TUSC3: variants seen among roughly 807,000 people sequenced by gnomAD.
TUSC3 encodes the protein dolichyl-diphosphooligosaccharide--protein glycosyltransferase subunit TUSC3.
A neutral mutation model predicts 44.8 loss-of-function variants in TUSC3; 45 were observed. The observed-to-expected ratio is 1.00, with a 90% confidence interval of 0.79 to 1.29. The LOEUF (loss-of-function observed/expected upper bound fraction) is 1.29. TUSC3 is among the 50% of genes most tolerant of loss of function. The pLI is 0.00. For synonymous variants in TUSC3, 212 were observed against 152.9 expected, an observed-to-expected ratio of 1.39 and a Z score of -2.85; for missense variants, 519 against 437.9, an observed-to-expected ratio of 1.19 and a Z score of -1.65.
chr8:15,663,693 G>A (rs1361696327), intron 5 of TUSC3, among the ~76,000 whole-genome samples: 1 of 151,848 alleles, frequency 6.6e-6, no homozygotes, highest in Non-Finnish European at 1.5e-5. Flanking sequence ...CACTTTTGAT[G>A]AATGAGTTAA....
At chr8:15,753,970 A>T (rs1294573667) in intron 9 of TUSC3, among the ~76,000 whole-genome samples, 1 of 152,128 alleles carries the variant, frequency 6.6e-6, no homozygotes, top group Non-Finnish European at 1.5e-5. Flanking sequence ...AGATACTGAT[A>T]AAGAAGAGAA....
At chr8:15,609,383 C>G (rs1211929650) in intron 1 of TUSC3, among the ~76,000 whole-genome samples, 4 of 152,108 alleles carry the variant, frequency 2.6e-5, no homozygotes, top group Non-Finnish European at 5.9e-5. Context: ...GATCTGTATT[C>G]CCAAGAGAGG....
Position 15,430,835 on chromosome 8 carries a change from A to G in TUSC3, n.91+13530A>G, listed in dbSNP as rs571076731. The stretch of plus-strand genomic sequence containing the variant: ...TCACAAGCATTCTTATACACCAATA[A>G]CAGACAAACAGAGAGCCAATTTTAT... On this transcript the variant is annotated intron_variant and non_coding_transcript_variant, in intron 1 of 5. Transcript: ENST00000503191. Among the ~76,000 whole-genome samples the G allele has an allele frequency of 7.3e-4, 111 of 151,876 alleles. 1 individual carries two copies. The highest frequency in any genetic ancestry group is 2.6e-3 in the African/African-American group (108 of 41,142).
chr8:15,822,377 C>G, the TUSC3 span, among the ~76,000 whole-genome samples: 1 of 152,050 alleles, frequency 6.6e-6, no homozygotes, highest in African/African-American at 2.4e-5. Flanking sequence ...GTTTAGACTC[C>G]ATAAGGTCCC....
intron 1 of TUSC3, among the ~76,000 whole-genome samples, chr8:15,598,800 A>C (rs1804168296): frequency 6.6e-6 from 1 of 151,598 alleles, no homozygotes; most frequent in East Asian, 1.9e-4. Context: ...GCACTGAATA[A>C]TCTATTGTCT....
At chr8:15,447,948 C>T (rs895532688) in intron 1 of TUSC3, among the ~76,000 whole-genome samples, 13 of 151,012 alleles carry the variant, frequency 8.6e-5, no homozygotes, top group Non-Finnish European at 1.8e-4. Context: ...TGGGTATGTA[C>T]ATTACAGTTA....
At chr8:15,778,134 C>T in the TUSC3 span, among the ~76,000 whole-genome samples, 1 of 151,396 alleles carries the variant, frequency 6.6e-6, no homozygotes. Context: ...AAACAAACCA[C>T]CACCGGCTAA....
intron 6 of TUSC3, among the ~76,000 whole-genome samples, chr8:15,692,828 A>G (rs145811327): frequency 6.6e-3 from 1,006 of 152,200 alleles, no homozygotes; most frequent in Middle Eastern, 0.014. Flanking sequence ...ATAGGTCTCT[A>G]AGAACATGTG....
rs1344770868 is a variant in TUSC3 at position 15,629,883 on chromosome 8, C to G, written c.308+6634C>G. On this transcript the variant is annotated intron_variant, in intron 2 of 10. Transcript: ENST00000503731. ...TAATTCTGCTCTTCCTTCACACAGT[C>G]AGTTTATTCACAAATTTTGGAATTC... 3.3e-5 allele frequency among the ~76,000 whole-genome samples: 5 copies of G among 152,188 alleles called. No individual in the cohort carries two copies. The East Asian group carries it at 9.6e-4, about 29-fold the overall frequency.
At chr8:15,660,994 A>G (rs1050305647) in intron 4 of TUSC3, among the ~76,000 whole-genome samples, 4 of 151,126 alleles carry the variant, frequency 2.6e-5, no homozygotes, top group Admixed American at 6.6e-5. Flanking sequence ...ATGCCAATGT[A>G]TACCCTTTAT....
rs979620171 is a variant in TUSC3, at chr8:15,765,662, C to G, written c.*1506C>G. 3 of 151,904 alleles carry G rather than the reference C, an allele frequency of 2.0e-5. No homozygotes were observed. The highest frequency in any genetic ancestry group is 2.9e-5 in the Non-Finnish European group (2 of 67,932). 9.4% of individuals were successfully genotyped at this position (151,904 alleles called of 1,614,324 possible). A position where few individuals can be genotyped will look rare whatever the true frequency, so the allele number is the denominator to read the frequency against. On this transcript the variant is annotated 3_prime_UTR_variant, in exon 11 of 11. Transcript: ENST00000503731. ...TAATTGTAAGTTTATAATCATACTC[C>G]CAAATCTGTTACTAAAAATAACATA...
chr8:15,585,420 G>C (rs976021283), intron 1 of TUSC3, among the ~76,000 whole-genome samples: 1 of 152,176 alleles, frequency 6.6e-6, no homozygotes, highest in African/African-American at 2.4e-5. Context: ...TGGACACAAA[G>C]GGTGAGGTTG....
chr8:15,736,028 A>T (rs757067697), intron 7 of TUSC3, among the ~76,000 whole-genome samples: 23 of 151,910 alleles, frequency 1.5e-4, no homozygotes, highest in Non-Finnish European at 3.2e-4. Context: ...ACGCCCGGCG[A>T]TATTTCTTTA....
At chr8:15,809,698 G>C in the TUSC3 span, among the ~76,000 whole-genome samples, 1 of 152,076 alleles carries the variant, frequency 6.6e-6, no homozygotes, top group African/African-American at 2.4e-5. Flanking sequence ...CAAAATATCT[G>C]ATTGTACTGT....
chr8:15,510,655 A>G (rs531444790), intron 2 of TUSC3, among the ~76,000 whole-genome samples: 1 of 152,238 alleles, frequency 6.6e-6, no homozygotes, highest in African/African-American at 2.4e-5. Flanking sequence ...CTGATCAAAC[A>G]TTTGAGGAGG....
At chr8:15,447,693 C>CT (rs533587631) in intron 1 of TUSC3, among the ~76,000 whole-genome samples, 2,205 of 140,844 alleles carry the variant, frequency 0.016, 50 homozygotes, top group African/African-American at 0.05. Flanking sequence ...ATAATTATGT[C>CT]TTTTTTTTTT....
chr8:15,711,147 C>T lies in TUSC3; in HGVS notation c.799-19519C>T, dbSNP rs117633063. Among the ~76,000 whole-genome samples the T allele has an allele frequency of 9.0e-4, 136 of 151,708 alleles. 7 individuals carry two copies. The East Asian group carries it at 0.018, about 21-fold the overall frequency. On this transcript the variant is annotated intron_variant, in intron 6 of 10. Transcript: ENST00000503731. ...CCTTTTTTTTCTTGTCCTCTCCTCT[C>T]ACTACCAGCATTTTCCTTGGCAATA...
chr8:15,810,565 G>C, the TUSC3 span, among the ~76,000 whole-genome samples: 1 of 152,006 alleles, frequency 6.6e-6, no homozygotes, highest in African/African-American at 2.4e-5. Context: ...TTGAGCCCAG[G>C]AGGTCAAGGC....
chr8:15,454,139 C>T (rs1167118921), intron 1 of TUSC3, among the ~76,000 whole-genome samples: 4 of 152,126 alleles, frequency 2.6e-5, no homozygotes, highest in African/African-American at 9.7e-5. Flanking sequence ...AGGGAAGAAT[C>T]AAGGGAGAAG....
Sources: gnomAD v4.1 joint callset for allele counts (sites outside exome capture counted in the v4.1 genomes callset) on GRCh38, gnomAD v4.1.1 for gene constraint, MANE v1.5 for transcripts, NCBI Gene and HGNC (gene_info 2026-07-23, HGNC 2026-07-21) for gene names.